Variants in SPATA4 observed in about 807,000 individuals in gnomAD.
The protein encoded by SPATA4 is spermatogenesis-associated protein 4.
Under a neutral mutation model 31.8 loss-of-function variants are expected in SPATA4, and 35 were observed. The observed-to-expected ratio is 1.10, with a 90% CI of 0.84 to 1.46. The LOEUF (loss-of-function observed/expected upper bound fraction) is 1.46, where lower values mean the gene tolerates loss of function less well. SPATA4 is among the 40% of genes most tolerant of loss of function. The pLI, the probability that SPATA4 is intolerant of heterozygous loss-of-function variation, is 0.00. For missense variants in SPATA4, 394 were observed against 363.1 expected, an observed-to-expected ratio of 1.09 and a Z score of -0.69; for synonymous variants, 126 against 132.4, an observed-to-expected ratio of 0.95 and a Z score of 0.33.
chr4:176,187,083 T>C (rs1752455210), intron 5 of SPATA4, among the ~76,000 whole-genome samples: 1 of 152,132 alleles, frequency 6.6e-6, no homozygotes, highest in Non-Finnish European at 1.5e-5. Flanking sequence ...AGTAAAAGTG[T>C]GTCCTAAATA....
At position 176,193,004 on chromosome 4, in the gene SPATA4, G is replaced by T; in HGVS notation, c.421C>A (p.Pro141Thr). 1 of 1,610,438 alleles carries T rather than the reference G, an allele frequency of 6.2e-7. No individual in the cohort carries two copies. Among genetic ancestry groups the T allele is most frequent in the South Asian group, 1.1e-5 (1 of 89,586 alleles). The change falls in exon 3 of 6, where the codon CCT (proline) becomes ACT (threonine). Residue 141 changes from proline to threonine, a missense_variant. Physicochemically the swap from Pro to Thr is conservative, Grantham distance 38. Coordinates refer to ENST00000280191, the MANE Select transcript of SPATA4 (RefSeq NM_144644.4). ...HGTIHCKAGVPEILIEEVYTL... is the reference protein window; with the variant it reads ...HGTIHCKAGVTEILIEEVYTL... ...TAAACCTCTTCTATCAATATTTCAGGCACTCCAGCTTTACAATGAATTGTT... is the reference window on the plus strand; with the variant it reads ...TAAACCTCTTCTATCAATATTTCAGTCACTCCAGCTTTACAATGAATTGTT...
At chr4:176,191,181 A>G (rs748205377) in intron 4 of SPATA4, among the ~76,000 whole-genome samples, 2 of 151,288 alleles carry the variant, frequency 1.3e-5, no homozygotes, top group Non-Finnish European at 2.9e-5. Flanking sequence ...CTGCAACCTA[A>G]GCCTCCTGGG....
chr4:176,187,079 AGT>A (rs1210728186), intron 5 of SPATA4, among the ~76,000 whole-genome samples: 1 of 152,130 alleles, frequency 6.6e-6, no homozygotes, highest in African/African-American at 2.4e-5. Flanking sequence ...TTTTAGTAAA[AGT>A]GTGTCCTAAA....
intron 5 of SPATA4, among the ~76,000 whole-genome samples, chr4:176,186,756 C>A (rs1234623783): frequency 1.3e-5 from 2 of 152,116 alleles, no homozygotes; most frequent in Admixed American, 1.3e-4. Flanking sequence ...TTGGAAAACA[C>A]TTCATTCTGC....
In SPATA4 at chr4:176,195,495, G is replaced by T. The variant is rs1752605709; in HGVS notation, c.68C>A (p.Ser23Ter). 3.1e-6 allele frequency: 5 copies of T among 1,614,284 alleles called. No individual in the cohort carries two copies. Among genetic ancestry groups the T allele is most frequent in the Non-Finnish European group, 4.2e-6 (5 of 1,180,052 alleles). The change falls in exon 1 of 6, where the codon TCA becomes TAA. Residue 23 changes from serine (S) to a stop codon, truncating the protein, a stop_gained. Coordinates refer to ENST00000280191, the MANE Select transcript of SPATA4 (RefSeq NM_144644.4). LOFTEE classifies it high-confidence loss of function. ...GGGAGCTGCTAGCTGTGGCGAAAGT[G>T]ACGGTGACTTGTCTAGGGCTGCCGC... Reference protein sequence around the residue: ...QTAAALDKSPSLSPQLAAPIR... With the variant: ...QTAAALDKSP
rs1347986554 is a variant in SPATA4 at position 176,193,476 on chromosome 4, C to G, written c.325G>C (p.Asp109His). The change falls in exon 2 of 6, where the codon GAT becomes CAT. Residue 109 changes from aspartate (D) to histidine (H), a missense_variant. Physicochemically the swap from Asp to His is moderately conservative, Grantham distance 81. Transcript: ENST00000280191. ...ACCTTCTCCAACTGTGCCCAGTTATCCAACTTGACTTTTAAAGAGGTCCCG... is the reference window on the plus strand; with the variant it reads ...ACCTTCTCCAACTGTGCCCAGTTATGCAACTTGACTTTTAAAGAGGTCCCG... ...ENGTSLKVKL[D>H]NWAQLEKFLA... is the part of the protein sequence containing the mutation. 1 of 1,613,694 alleles carries G rather than the reference C, an allele frequency of 6.2e-7. No individual in the cohort carries two copies. Among genetic ancestry groups the G allele is most frequent in the Non-Finnish European group, 8.5e-7 (1 of 1,179,898 alleles).
Position 176,192,744 on chromosome 4 carries a change from T to C in SPATA4, c.571A>G (p.Asn191Asp). ...RSTVSKSIKD[N>D]IRLSELLSNP... ...CTTAGTAATTCTGATAACCTAATGT[T>C]ATCTTTAATAGACTTCGAAACTGTA... The change falls in exon 4 of 6, where the codon AAC becomes GAC. Residue 191 changes from asparagine to aspartate, a missense_variant. Physicochemically the swap from Asn to Asp is conservative, Grantham distance 23. Transcript: ENST00000280191. The C allele has an allele frequency of 6.2e-7, 1 of 1,614,156 alleles. No individual in the cohort carries two copies. The highest frequency in any genetic ancestry group is 2.2e-5 in the East Asian group (1 of 44,876).
At chr4:176,191,201 T>A (rs1752522388) in intron 4 of SPATA4, among the ~76,000 whole-genome samples, 1 of 151,790 alleles carries the variant, frequency 6.6e-6, no homozygotes, top group African/African-American at 2.4e-5. Context: ...GTTCAAGCCA[T>A]TCTCCTGCTT....
At chr4:176,188,315 T>C in intron 4 of SPATA4, 80 bp from the exon 5 acceptor site, 1 of 887,258 alleles carries the variant, frequency 1.1e-6, no homozygotes, top group Non-Finnish European at 1.7e-6. Flanking sequence ...AATTTAAAAA[T>C]TAAGTAAATT....
chr4:176,184,916 T>C, intron 5 of SPATA4, 24 bp from the exon 6 acceptor site: 1 of 1,372,022 alleles, frequency 7.3e-7, no homozygotes, highest in South Asian at 1.2e-5. Flanking sequence ...ATAAGCAAAA[T>C]TAAAATCAAT....
At chr4:176,191,941 G>A (rs945087522) in intron 4 of SPATA4, among the ~76,000 whole-genome samples, 5 of 152,134 alleles carry the variant, frequency 3.3e-5, no homozygotes, top group African/African-American at 7.2e-5. Flanking sequence ...CTCTTTTCCC[G>A]AATGTTTGGG....
intron 4 of SPATA4, 64 bp from the exon 5 acceptor site, chr4:176,188,299 T>C: frequency 9.7e-7 from 1 of 1,032,252 alleles, no homozygotes; most frequent in Non-Finnish European, 1.5e-6. Flanking sequence ...CAAAATAAGA[T>C]GCCATAATTT....
intron 5 of SPATA4, among the ~76,000 whole-genome samples, chr4:176,187,767 C>A (rs1752468387): frequency 1.3e-5 from 2 of 152,168 alleles, no homozygotes; most frequent in South Asian, 4.1e-4. Flanking sequence ...ATTGAGAATT[C>A]TTAGTATGCA....
intron 4 of SPATA4, among the ~76,000 whole-genome samples, chr4:176,192,145 GA>G (rs1485926653): frequency 6.6e-6 from 1 of 152,158 alleles, no homozygotes; most frequent in Non-Finnish European, 1.5e-5. Flanking sequence ...CTTAGAGAAT[GA>G]TTTCAGTGAT....
chr4:176,189,724 A>G (rs574734823), intron 4 of SPATA4, among the ~76,000 whole-genome samples: 20 of 152,328 alleles, frequency 1.3e-4, no homozygotes, highest in African/African-American at 4.3e-4. Flanking sequence ...AGAGGGCATT[A>G]CAAATAAGTG....
chr4:176,185,645 T>C (rs1180346281), intron 5 of SPATA4, among the ~76,000 whole-genome samples: 1 of 152,186 alleles, frequency 6.6e-6, no homozygotes, highest in Non-Finnish European at 1.5e-5. Flanking sequence ...CTATTTACTC[T>C]ACTCTCTTAT....
chr4:176,190,448 C>G (rs1752511440), intron 4 of SPATA4, among the ~76,000 whole-genome samples: 1 of 152,170 alleles, frequency 6.6e-6, no homozygotes, highest in Non-Finnish European at 1.5e-5. Context: ...TTAAAACAGC[C>G]ATTTTTATCT....
intron 1 of SPATA4, 173 bp from the exon 2 acceptor site, chr4:176,193,755 G>T: frequency 3.4e-6 from 2 of 582,714 alleles, no homozygotes; most frequent in Non-Finnish European, 5.4e-6. Flanking sequence ...GATTATCTAC[G>T]TTTCAAAGGC....
In SPATA4 at chr4:176,185,632, G is replaced by C. The variant is rs193090377; in HGVS notation, c.806-740C>G. Among the ~76,000 whole-genome samples the C allele has an allele frequency of 3.9e-5, 6 of 152,198 alleles. No homozygotes were observed. The East Asian group carries it at 1.2e-3, about 29-fold the overall frequency. On this transcript the variant is annotated intron_variant, in intron 5 of 5. Transcript: ENST00000280191. Reference sequence around the variant, plus strand: ...ACTATCAAACTATGGTAGCAGACCTGAACTATTTACTCTACTCTCTTATCA... The same window carrying C: ...ACTATCAAACTATGGTAGCAGACCTCAACTATTTACTCTACTCTCTTATCA...
Sources: allele counts gnomAD v4.1 joint callset (sites outside exome capture counted in the v4.1 genomes callset), GRCh38; gene constraint gnomAD v4.1.1; transcripts MANE v1.5; gene names NCBI Gene and HGNC (gene_info 2026-07-23, HGNC 2026-07-21).